The following USP48 variants were observed in gnomAD, a reference collection of about 807,000 sequenced individuals.
USP48 encodes ubiquitin specific peptidase 48.
Under a neutral mutation model 150.7 loss-of-function variants are expected in USP48, and 43 were observed. That is an observed-to-expected ratio of 0.29 (90% CI 0.22 to 0.37). The LOEUF (loss-of-function observed/expected upper bound fraction) is 0.37. Ranked by LOEUF, USP48 falls within the 10% of genes least tolerant of loss-of-function variation. The probability of loss-of-function intolerance (pLI) is 1.00; values close to 1 mark genes in which losing one functional copy is unlikely to be tolerated. For missense variants in USP48, 813 were observed against 1,249.6 expected (o/e 0.65, Z 5.27); for synonymous variants, 396 against 425.9 (o/e 0.93, Z 0.86).
intron 15 of USP48, among the ~76,000 whole-genome samples, chr1:21,714,768 G>A (rs1437631802): frequency 6.6e-6 from 1 of 152,110 alleles, no homozygotes; most frequent in Non-Finnish European, 1.5e-5. Context: ...CCAATACATA[G>A]GATTAAATAA....
chr1:21,762,670 A>G (rs187545429), intron 1 of USP48, among the ~76,000 whole-genome samples: 273 of 152,162 alleles, frequency 1.8e-3, no homozygotes, highest in African/African-American at 6.5e-3. Context: ...GTTTGAGACC[A>G]GCCTGACCAA....
At chr1:21,767,640 C>CTTTTTTT (rs765475508) in intron 1 of USP48, among the ~76,000 whole-genome samples, 1 of 143,934 alleles carries the variant, frequency 6.9e-6, no homozygotes. Flanking sequence ...TTTTAGAGAG[C>CTTTTTTT]TTTTTTTTTT....
intron 15 of USP48, 26 bp from the exon 16 acceptor site, chr1:21,706,894 A>G: frequency 2.0e-6 from 3 of 1,488,952 alleles, no homozygotes; most frequent in Non-Finnish European, 2.7e-6. Flanking sequence ...TATATTTGGA[A>G]AAAAAAAAAA....
chr1:21,695,601 T>C (rs1478594718), intron 22 of USP48, among the ~76,000 whole-genome samples: 1 of 152,070 alleles, frequency 6.6e-6, no homozygotes, highest in Non-Finnish European at 1.5e-5. Flanking sequence ...TCCCAGCTAC[T>C]TGGAGGCTGA....
intron 19 of USP48, 143 bp from the exon 20 acceptor site, chr1:21,704,535 AAAG>A (rs1171307482): frequency 1.1e-6 from 1 of 918,156 alleles, no homozygotes; most frequent in Non-Finnish European, 1.5e-6. Flanking sequence ...TATCATCAAC[AAAG>A]AATAGTTTTT....
intron 8 of USP48, among the ~76,000 whole-genome samples, chr1:21,742,253 C>T (rs917760826): frequency 6.6e-6 from 1 of 151,998 alleles, no homozygotes; most frequent in African/African-American, 2.4e-5. Context: ...ATAAAGAGAA[C>T]TCCTGGCTGG....
chr1:21,774,719 C>T (rs1192935640), intron 1 of USP48, among the ~76,000 whole-genome samples: 3 of 151,390 alleles, frequency 2.0e-5, no homozygotes, highest in Admixed American at 6.6e-5. Flanking sequence ...TAGCCAGGTG[C>T]GGTGGCTCAC....
intron 9 of USP48, among the ~76,000 whole-genome samples, chr1:21,733,685 A>T (rs2097762313): frequency 6.6e-6 from 1 of 152,258 alleles, no homozygotes; most frequent in Admixed American, 6.5e-5. Flanking sequence ...TATATAAGAC[A>T]GCCTTAACAA....
Position 21,722,542 on chromosome 1 carries a change from GA to G in USP48, c.1649-779del, listed in dbSNP as rs772860252. 4.1e-3 allele frequency among the ~76,000 whole-genome samples: 444 copies of G among 107,264 alleles called. 2 individuals are homozygous for G. The highest frequency in any genetic ancestry group is 0.023 in the East Asian group (81 of 3,576). 70.4% of individuals were successfully genotyped at this position (107,264 alleles called of 152,430 possible). A position where few individuals can be genotyped will look rare whatever the true frequency, so the allele number is the denominator to read the frequency against. ...CAACAGAATAAGACTCTGTCTCAGA[GA>G]AAAAAAAAAAAAAAACAGGGGCCAG... On this transcript the variant is annotated intron_variant, in intron 12 of 26. Transcript: ENST00000308271.
At chr1:21,724,146 C>CT in intron 11 of USP48, 51 bp from the exon 12 acceptor site, 1 of 1,561,864 alleles carries the variant, frequency 6.4e-7, no homozygotes, top group Non-Finnish European at 8.8e-7. Flanking sequence ...AGTTTTTTGA[C>CT]TAAGTGATAC....
At chr1:21,708,884 C>CAAAAAAAAA in intron 15 of USP48, among the ~76,000 whole-genome samples, 1 of 16,604 alleles carries the variant, frequency 6.0e-5, no homozygotes, top group Non-Finnish European at 1.5e-4. Flanking sequence ...GACTCCGTCT[C>CAAAAAAAAA]AAAAAAAAAA....
chr1:21,722,959 C>T (rs554059653), intron 12 of USP48, among the ~76,000 whole-genome samples: 10 of 152,302 alleles, frequency 6.6e-5, no homozygotes, highest in African/African-American at 2.4e-4. Flanking sequence ...CATTAGAAAA[C>T]AGCACTTAAT....
chr1:21,752,499 T>C (rs2097819047), intron 5 of USP48, 28 bp downstream of exon 5: 1 of 1,603,538 alleles, frequency 6.2e-7, no homozygotes, highest in Admixed American at 1.8e-5. Context: ...GAATAAAATG[T>C]ACCATGAAAA....
intron 8 of USP48, among the ~76,000 whole-genome samples, chr1:21,744,436 T>C (rs1469165003): frequency 2.3e-4 from 28 of 120,714 alleles, no homozygotes; most frequent in African/African-American, 8.0e-4. Flanking sequence ...GACGCAAAAT[T>C]CTGTCTCAAA....
intron 19 of USP48, 182 bp from the exon 20 acceptor site, chr1:21,704,574 G>T: frequency 3.4e-6 from 2 of 595,014 alleles, no homozygotes; most frequent in Non-Finnish European, 5.3e-6. Context: ...TACCACAGCA[G>T]CGAAACTAAA....
At chr1:21,740,288 T>TA (rs1457193896) in intron 8 of USP48, among the ~76,000 whole-genome samples, 64 of 152,246 alleles carry the variant, frequency 4.2e-4, no homozygotes, top group African/African-American at 1.4e-3. Context: ...TCACACATGA[T>TA]AGAGTATCCT....
chr1:21,713,934 T>G (rs930137202), intron 15 of USP48, among the ~76,000 whole-genome samples: 1 of 152,094 alleles, frequency 6.6e-6, no homozygotes, highest in Admixed American at 6.6e-5. Flanking sequence ...GATGGCCCCT[T>G]CCTAGTTGTG....
At chr1:21,744,777 T>TA (rs10699993) in intron 8 of USP48, among the ~76,000 whole-genome samples, 8,835 of 59,506 alleles carry the variant, frequency 0.15, 1,085 homozygotes, top group African/African-American at 0.21. Context: ...ACTCTATCTC[T>TA]AAAAAAAAAA....
intron 22 of USP48, among the ~76,000 whole-genome samples, chr1:21,696,177 G>T (rs1458315891): frequency 6.6e-6 from 1 of 152,236 alleles, no homozygotes; most frequent in Non-Finnish European, 1.5e-5. Context: ...GGTGGCTCAC[G>T]CCTGTAATCC....
Sources: allele counts gnomAD v4.1 joint callset (sites outside exome capture counted in the v4.1 genomes callset), GRCh38; gene constraint gnomAD v4.1.1; transcripts MANE v1.5; gene names NCBI Gene and HGNC (gene_info 2026-07-23, HGNC 2026-07-21).